DMBT1: variants seen among roughly 807,000 people sequenced by gnomAD.
DMBT1 encodes scavenger receptor cysteine-rich domain-containing protein DMBT1.
Under a neutral mutation model 252.9 loss-of-function variants are expected in DMBT1, and 198 were observed. The ratio of observed to expected loss-of-function variants is 0.78; its 90% confidence interval spans 0.70 to 0.88. DMBT1 has a LOEUF of 0.88. Ranked by LOEUF, DMBT1 falls within the 40% of genes least tolerant of loss-of-function variation. The pLI, the probability that DMBT1 is intolerant of heterozygous loss-of-function variation, is 0.00. For synonymous variants in DMBT1, 990 were observed against 942.7 expected (o/e 1.05, Z -0.92); for missense variants, 2,432 against 2,404.7 (o/e 1.01, Z -0.24).
rs776365400 is a variant in DMBT1, at chr10:122,589,412, A to G, written c.2107+145A>G. The G allele has an allele frequency of 1.0e-4, 139 of 1,367,778 alleles. 9 individuals are homozygous for G. The highest frequency in any genetic ancestry group is 1.3e-4 in the Non-Finnish European group (133 of 1,020,540). The allele number at this position is 1,367,778 out of a possible 1,614,324, so 84.7% of individuals were successfully genotyped here. A position where few individuals can be genotyped will look rare whatever the true frequency, so the allele number is the denominator to read the frequency against. On this transcript the variant is annotated intron_variant, in intron 17 of 55. Coordinates refer to ENST00000338354, the MANE Select transcript of DMBT1 (RefSeq NM_001377530.1). ...CCTTAGCTCTCTTCTAGGAAACTGC[A>G]TGAGTCTTCACCACAGTGCCAGGTT...
At chr10:122,590,595 C>T (rs901698505) in intron 17 of DMBT1, 70 bp from the exon 18 acceptor site, 7 of 1,544,876 alleles carry the variant, frequency 4.5e-6, no homozygotes, top group African/African-American at 4.0e-5. Flanking sequence ...CAGTTTAGTT[C>T]CTTGTACCTT....
Position 122,640,276 on chromosome 10 carries a change from T to TTTCTTGTATCCTGTGACCAG in DMBT1, c.7180_7199dup (p.Arg2401SerfsTer5). ...ACATTTCCTTTTATACTTCCTCATCTTTCTTGTATCCTGTGACCAGCCGCC... is the reference window on the plus strand; with the variant it reads ...ACATTTCCTTTTATACTTCCTCATCTTTCTTGTATCCTGTGACCAGTTCTTGTATCCTGTGACCAGCCGCC... On this transcript the variant is annotated frameshift_variant, in exon 55 of 56. Transcript: ENST00000338354. LOFTEE classifies it high-confidence loss of function. 6.2e-7 allele frequency: 1 copy of TTTCTTGTATCCTGTGACCAG among 1,614,066 alleles called. No homozygotes were observed. Among genetic ancestry groups the TTTCTTGTATCCTGTGACCAG allele is most frequent in the Admixed American group, 1.7e-5 (1 of 60,030 alleles).
At chr10:122,625,815 C>A in intron 45 of DMBT1, 118 bp from the exon 46 acceptor site, 1 of 850,836 alleles carries the variant, frequency 1.2e-6, no homozygotes, top group South Asian at 1.4e-5. Context: ...CTGGAATGGT[C>A]AAGGCTCTGA....
chr10:122,576,601 A>T lies in DMBT1; in HGVS notation c.486A>T (p.Gly162=). Residue 162 remains glycine (G), a synonymous_variant, in exon 7 of 56, where the codon GGA becomes GGT. Transcript: ENST00000338354. The part of the protein sequence containing the change: ...PGNAWFGQGS[G]PIALDDVRCS... ...ATGCCTGGTTTGGCCAGGGCTCAGG[A>T]CCCATTGCCCTGGATGATGTGCGCT... 1 of 1,613,832 alleles carries T rather than the reference A, an allele frequency of 6.2e-7. No individual in the cohort carries two copies. Among genetic ancestry groups the T allele is most frequent in the Non-Finnish European group, 8.5e-7 (1 of 1,179,790 alleles).
At chr10:122,585,439 G>A in intron 15 of DMBT1, 130 bp downstream of exon 15, 1 of 1,230,790 alleles carries the variant, frequency 8.1e-7, no homozygotes, top group African/African-American at 1.4e-5. Flanking sequence ...TGCATGGGAG[G>A]AAGGTAGAGT....
In DMBT1 at chr10:122,637,176, A is replaced by G. The variant is rs750425602; in HGVS notation, c.6806A>G (p.Tyr2269Cys). 9.9e-6 allele frequency: 16 copies of G among 1,613,900 alleles called. No homozygotes were observed. The East Asian group carries it at 3.6e-4, about 36-fold the overall frequency. The change falls in exon 54 of 56, where the codon TAT becomes TGT. Residue 2269 changes from tyrosine (Y) to cysteine (C), a missense_variant. Around this residue, in one of 3 missense-constraint regions of DMBT1, gnomAD observed 1,162 missense variants for 1,169.0 expected, o/e 0.99. Coordinates refer to ENST00000338354, the MANE Select transcript of DMBT1 (RefSeq NM_001377530.1). ...NHMQASVSRSYLQSLGFSASD... is the reference protein window; with the variant it reads ...NHMQASVSRSCLQSLGFSASD... ...ATGCAAGCCAGTGTGAGCAGGAGCT[A>G]TCTCCAATCCTTGGGCTTTTCTGCC...
intron 52 of DMBT1, among the ~76,000 whole-genome samples, chr10:122,634,402 TTTCTTTCTTTC>T (rs1193190539): frequency 2.2e-5 from 2 of 89,070 alleles, no homozygotes; most frequent in East Asian, 3.3e-4. Flanking sequence ...CTTTCTTTCT[TTTCTTTCTTTC>T]TCTCTCTCTC....
chr10:122,585,533 T>G (rs2097782255), intron 15 of DMBT1, among the ~76,000 whole-genome samples: 1 of 147,970 alleles, frequency 6.8e-6, no homozygotes, highest in Non-Finnish European at 1.5e-5. Flanking sequence ...TTCCAAGTGG[T>G]CAGGAAACAT....
chr10:122,598,379 C>T (rs2097905004), intron 25 of DMBT1, among the ~76,000 whole-genome samples: 1 of 152,194 alleles, frequency 6.6e-6, no homozygotes, highest in Non-Finnish European at 1.5e-5. Context: ...CCTGTCTGGC[C>T]AAGGCCTTGT....
rs776393486 is a variant in DMBT1 at position 122,598,969 on chromosome 10, G to A, written c.3152G>A (p.Gly1051Asp). 8.7e-6 allele frequency: 14 copies of A among 1,613,754 alleles called. No individual in the cohort carries two copies. Among genetic ancestry groups the A allele is most frequent in the Non-Finnish European group, 1.1e-5 (13 of 1,179,720 alleles). ...SAPGNARFGQGSGPIVLDDVR... is the reference protein window; with the variant it reads ...SAPGNARFGQDSGPIVLDDVR... ...CCAGGAAATGCCCGGTTTGGTCAGG[G>A]CTCAGGACCCATTGTCCTGGATGAT... The change falls in exon 26 of 56, where the codon GGC (glycine) becomes GAC (aspartate). Residue 1051 changes from glycine (G) to aspartate (D), a missense_variant. Transcript: ENST00000338354.
chr10:122,579,634 C>A lies in DMBT1; in HGVS notation c.736C>A (p.Arg246=). 4 of 1,613,618 alleles carry A rather than the reference C, an allele frequency of 2.5e-6. No homozygotes were observed. The highest frequency in any genetic ancestry group is 3.4e-6 in the Non-Finnish European group (4 of 1,179,770). Reference sequence around the variant, plus strand: ...GAATGGAGGCGACAGGTGTCGAGGCCGAGTGGAGGTCCTATACCGAGGCTC... The same window carrying A: ...GAATGGAGGCGACAGGTGTCGAGGCAGAGTGGAGGTCCTATACCGAGGCTC... ...LVNGGDRCRG[R]VEVLYRGSWG... The change falls in exon 10 of 56, where the codon CGA becomes AGA. Residue 246 remains arginine (R), a synonymous_variant. Coordinates refer to ENST00000338354, the MANE Select transcript of DMBT1 (RefSeq NM_001377530.1).
intron 40 of DMBT1, 112 bp downstream of exon 40, chr10:122,617,372 G>C: frequency 1.5e-6 from 2 of 1,332,682 alleles, no homozygotes; most frequent in South Asian, 1.3e-5. Context: ...TGTCCCTGTG[G>C]GTTGGGTGGG....
In DMBT1 at chr10:122,571,123, C is replaced by T. The variant is rs3824678; in HGVS notation, c.187+186C>T. 2.4e-3 allele frequency among the ~76,000 whole-genome samples: 368 copies of T among 152,350 alleles called. 7 individuals are homozygous for T. In the East Asian group the frequency reaches 0.051, roughly 21 times the overall value. On this transcript the variant is annotated intron_variant, in intron 4 of 55. Transcript: ENST00000338354. Reference sequence around the variant, plus strand: ...GAGTCAATATCACCACACATGAGCACGTGTTTGTACACGTGTGTGTGCTCT... The same window carrying T: ...GAGTCAATATCACCACACATGAGCATGTGTTTGTACACGTGTGTGTGCTCT...
intron 42 of DMBT1, among the ~76,000 whole-genome samples, chr10:122,619,599 A>G (rs997529412): frequency 1.3e-5 from 2 of 152,246 alleles, no homozygotes; most frequent in Non-Finnish European, 1.5e-5. Context: ...AGGTTCAGGA[A>G]GTGGCCTCAT....
In DMBT1 at chr10:122,576,473, C is replaced by T. The variant is rs751425913; in HGVS notation, c.358C>T (p.Arg120Ter). ...RCQGRVEILY[R>*]GSWGTVCDDS... ...TCAGGGCCGAGTGGAGATCCTATAC[C>T]GAGGCTCCTGGGGCACCGTGTGTGA... Residue 120 changes from arginine (R) to a stop codon, truncating the protein, a stop_gained, in exon 7 of 56, where the codon CGA (arginine) becomes TGA (stop). Transcript: ENST00000338354. LOFTEE classifies it high-confidence loss of function. 9 of 1,613,832 alleles carry T rather than the reference C, an allele frequency of 5.6e-6. No homozygotes were observed. Among genetic ancestry groups the T allele is most frequent in the East Asian group, 2.2e-5 (1 of 44,898 alleles).
In DMBT1 at chr10:122,589,400, C is replaced by G. The variant is rs555764592; in HGVS notation, c.2107+133C>G. On this transcript the variant is annotated intron_variant, in intron 17 of 55. Coordinates refer to ENST00000338354, the MANE Select transcript of DMBT1 (RefSeq NM_001377530.1). ...TTTCTGATATCTCCTTAGCTCTCTT[C>G]TAGGAAACTGCATGAGTCTTCACCA... 509 of 1,404,882 alleles carry G rather than the reference C, an allele frequency of 3.6e-4. 64 individuals carry two copies. The highest frequency in any genetic ancestry group is 1.8e-3 in the Middle Eastern group (9 of 4,906). The allele number at this position is 1,404,882 out of a possible 1,614,324, so 87.0% of individuals were successfully genotyped here. A position where few individuals can be genotyped will look rare whatever the true frequency, so the allele number is the denominator to read the frequency against.
chr10:122,634,340 T>TTTTC (rs776949913), intron 52 of DMBT1, among the ~76,000 whole-genome samples: 12,182 of 98,784 alleles, frequency 0.12, 1,484 homozygotes, highest in Non-Finnish European at 0.17. Flanking sequence ...CTAAAAGCAC[T>TTTTC]TTTCTTTCTT....
intron 16 of DMBT1, among the ~76,000 whole-genome samples, chr10:122,587,989 C>T (rs1037677723): frequency 6.7e-6 from 1 of 148,598 alleles, no homozygotes; most frequent in Non-Finnish European, 1.5e-5. Flanking sequence ...AAGAGTTGGG[C>T]AGACACATGG....
intron 49 of DMBT1, 148 bp downstream of exon 49, chr10:122,631,429 G>T (rs1194992409): frequency 2.9e-6 from 3 of 1,030,462 alleles, no homozygotes; most frequent in Non-Finnish European, 4.2e-6. Flanking sequence ...AGCATGCAGG[G>T]GGCTGCTTTA....
Sources: allele counts gnomAD v4.1 joint callset (sites outside exome capture counted in the v4.1 genomes callset), GRCh38; gene constraint gnomAD v4.1.1; regional missense constraint gnomAD v4.1.1; transcripts MANE v1.5; gene names NCBI Gene and HGNC (gene_info 2026-07-23, HGNC 2026-07-21).